CSMD2: variants seen among roughly 807,000 people sequenced by gnomAD.
CSMD2 encodes CUB and Sushi multiple domains 2.
CSMD2 carries 130 observed loss-of-function variants against 398.5 expected under a neutral mutation model. That is an observed-to-expected ratio of 0.33 (90% CI 0.28 to 0.38). CSMD2 has a LOEUF of 0.38. CSMD2 is among the 10% of genes least tolerant of loss of function. CSMD2 has a pLI of 1.00. For missense variants in CSMD2, 3,829 were observed against 4,764.9 expected, an observed-to-expected ratio of 0.80 and a Z score of 5.78; for synonymous variants, 1,828 against 1,908.5, an observed-to-expected ratio of 0.96 and a Z score of 1.10.
chr1:34,156,185 T>C (rs10158832), intron 1 of CSMD2, among the ~76,000 whole-genome samples: 92,614 of 152,154 alleles, frequency 0.61, 30,494 homozygotes, highest in Non-Finnish European at 0.74. Context: ...CTGTCATCTC[T>C]TTCTTACTGC....
intron 7 of CSMD2, 101 bp from the exon 8 acceptor site, chr1:33,820,657 A>C: frequency 1.3e-6 from 1 of 776,602 alleles, no homozygotes; most frequent in Non-Finnish European, 2.1e-6. Context: ...TGGGAGGTGG[A>C]GGCAGAGACA....
chr1:33,772,193 G>C (rs1326943575), intron 13 of CSMD2: 1 of 171,408 alleles, frequency 5.8e-6, no homozygotes, highest in African/African-American at 2.4e-5. Flanking sequence ...TTACAAACTT[G>C]ACAGTCCCTT....
intron 1 of CSMD2, among the ~76,000 whole-genome samples, chr1:34,109,656 T>C (rs1412135493): frequency 6.6e-6 from 1 of 152,068 alleles, no homozygotes; most frequent in Non-Finnish European, 1.5e-5. Context: ...ATATTCAGCA[T>C]CTGTAAGGAA....
In CSMD2 at chr1:33,967,712, G is replaced by C. The variant is rs553974250; in HGVS notation, c.518-31758C>G. ...CGATGAGAGTAGGGCCAATAGGTTT[G>C]GGGGGCCTCACTCGGGGCAATGGGT... is the stretch of plus-strand genomic sequence containing the variant. On this transcript the variant is annotated intron_variant, in intron 3 of 70. Coordinates refer to ENST00000373381, the MANE Select transcript of CSMD2 (RefSeq NM_001281956.2). Among the ~76,000 whole-genome samples, 5 of 152,260 alleles carry C rather than the reference G, an allele frequency of 3.3e-5. No individual in the cohort carries two copies. In the South Asian group the frequency reaches 6.2e-4, roughly 19 times the overall value.
chr1:33,752,400 C>T (rs1648373877), intron 13 of CSMD2, among the ~76,000 whole-genome samples: 1 of 152,152 alleles, frequency 6.6e-6, no homozygotes, highest in Non-Finnish European at 1.5e-5. Context: ...CTACTTTTAC[C>T]ATATGATACG....
At chr1:33,959,523 G>A (rs1229412045) in intron 3 of CSMD2, among the ~76,000 whole-genome samples, 3 of 152,076 alleles carry the variant, frequency 2.0e-5, no homozygotes, top group South Asian at 2.1e-4. Flanking sequence ...CAGTTTGCCC[G>A]GGACATATCC....
In CSMD2 at chr1:33,987,414, G is replaced by T. The variant is rs187605911; in HGVS notation, c.517+45180C>A. Among the ~76,000 whole-genome samples, 3 of 152,248 alleles carry T rather than the reference G, an allele frequency of 2.0e-5. No individual in the cohort carries two copies. The East Asian group carries it at 5.8e-4, about 29-fold the overall frequency. On this transcript the variant is annotated intron_variant, in intron 3 of 70. Coordinates refer to ENST00000373381, the MANE Select transcript of CSMD2 (RefSeq NM_001281956.2). ...TAGCAGAGGAATATAGAGTTGAGTT[G>T]ACTTGCCCAAGGTCACCCTGCTCGC...
At chr1:33,582,851 CA>C (rs1386925434) in intron 47 of CSMD2, among the ~76,000 whole-genome samples, 1 of 152,214 alleles carries the variant, frequency 6.6e-6, no homozygotes, top group Admixed American at 6.5e-5. Flanking sequence ...CAGATTAACA[CA>C]GCCTTGGTTA....
intron 13 of CSMD2, among the ~76,000 whole-genome samples, chr1:33,756,410 C>T (rs1177825888): frequency 6.6e-6 from 1 of 152,112 alleles, no homozygotes; most frequent in Non-Finnish European, 1.5e-5. Context: ...CTGAAGTTTA[C>T]ATTCTAAGAG....
intron 5 of CSMD2, among the ~76,000 whole-genome samples, chr1:33,853,873 C>T (rs934191594): frequency 6.6e-6 from 1 of 152,218 alleles, no homozygotes; most frequent in African/African-American, 2.4e-5. Context: ...ATTACATCCC[C>T]TCTGCTATCA....
chr1:33,756,492 G>A (rs544258817), intron 13 of CSMD2, among the ~76,000 whole-genome samples: 4 of 152,248 alleles, frequency 2.6e-5, no homozygotes, highest in Non-Finnish European at 4.4e-5. Context: ...GCCTGTCTGA[G>A]GAGGTGGCCT....
At chr1:33,984,923 C>T (rs904609077) in intron 3 of CSMD2, among the ~76,000 whole-genome samples, 4 of 151,956 alleles carry the variant, frequency 2.6e-5, no homozygotes, top group African/African-American at 9.7e-5. Context: ...AACCCCAGAA[C>T]CCCAGTGTAT....
intron 57 of CSMD2, among the ~76,000 whole-genome samples, chr1:33,544,340 A>G (rs1570679892): frequency 6.8e-6 from 1 of 146,294 alleles, no homozygotes; most frequent in East Asian, 2.0e-4. Context: ...GATGGTCTCG[A>G]CCTCCTGACC....
At chr1:33,601,326 G>GGCAGC (rs1245903106) in intron 43 of CSMD2, among the ~76,000 whole-genome samples, 5 of 152,150 alleles carry the variant, frequency 3.3e-5, no homozygotes, top group Non-Finnish European at 7.4e-5. Flanking sequence ...CTCAGTCTGG[G>GGCAGC]GCAGCACTAG....
chr1:34,051,046 A>G (rs1234641206), intron 2 of CSMD2, among the ~76,000 whole-genome samples: 4 of 152,210 alleles, frequency 2.6e-5, no homozygotes, highest in East Asian at 3.8e-4. Flanking sequence ...AAGAGTAACT[A>G]TGCTAGCCAG....
chr1:33,713,141 G>T (rs1389320691), intron 21 of CSMD2, among the ~76,000 whole-genome samples: 1 of 152,194 alleles, frequency 6.6e-6, no homozygotes, highest in Non-Finnish European at 1.5e-5. Context: ...GGAAGCTGAG[G>T]TTAAGGGGGT....
In CSMD2 at chr1:33,999,163, T is replaced by C. The variant is rs115761120; in HGVS notation, c.517+33431A>G. Among the ~76,000 whole-genome samples the C allele has an allele frequency of 5.2e-3, 795 of 152,246 alleles. 3 individuals carry two copies. Among genetic ancestry groups the C allele is most frequent in the Middle Eastern group, 0.01 (3 of 294 alleles). ...GTGTGAATCCAGGAGAAAAGCTGCA[T>C]AGAAATCCTCTTACAGTTAATCCCT... On this transcript the variant is annotated intron_variant, in intron 3 of 70. Transcript: ENST00000373381.
At chr1:34,135,952 C>A (rs9425998) in intron 1 of CSMD2, among the ~76,000 whole-genome samples, 47,036 of 151,800 alleles carry the variant, frequency 0.31, 8,546 homozygotes, top group Non-Finnish European at 0.41. Flanking sequence ...TCTTCTATGC[C>A]ATTCGAATTT....
chr1:33,672,457 C>T (rs531762124), intron 25 of CSMD2, among the ~76,000 whole-genome samples: 2 of 152,208 alleles, frequency 1.3e-5, no homozygotes, highest in Non-Finnish European at 2.9e-5. Context: ...GTAAACAAAG[C>T]AGCTGGGAAG....
Sources: gnomAD v4.1 joint callset for allele counts (sites outside exome capture counted in the v4.1 genomes callset) on GRCh38, gnomAD v4.1.1 for gene constraint, MANE v1.5 for transcripts, NCBI Gene and HGNC (gene_info 2026-07-23, HGNC 2026-07-21) for gene names.